The following MTREX variants were observed in gnomAD, a reference collection of about 807,000 sequenced individuals.
The protein encoded by MTREX is exosome RNA helicase MTR4.
A neutral mutation model predicts 135.4 loss-of-function variants in MTREX; 76 were observed. The observed-to-expected ratio is 0.56, with a 90% CI of 0.47 to 0.68. The LOEUF (loss-of-function observed/expected upper bound fraction) is 0.68. Among genes scored for constraint, MTREX ranks in the 30% least tolerant of loss-of-function variants. The pLI, the probability that MTREX is intolerant of heterozygous loss-of-function variation, is 0.00. For synonymous variants in MTREX, 404 were observed against 401.6 expected, an observed-to-expected ratio of 1.01 and a Z score of -0.07; for missense variants, 920 against 1,262.1, an observed-to-expected ratio of 0.73 and a Z score of 4.11.
intron 10 of MTREX, among the ~76,000 whole-genome samples, chr5:55,346,505 A>T (rs1028459507): frequency 1.3e-5 from 2 of 152,218 alleles, no homozygotes; most frequent in Non-Finnish European, 2.9e-5. Flanking sequence ...GATACTTAGT[A>T]TTGTATGTCT....
At chr5:55,344,475 A>G in intron 8 of MTREX, 47 bp from the exon 9 acceptor site, 1 of 1,262,008 alleles carries the variant, frequency 7.9e-7, no homozygotes, top group Non-Finnish European at 1.2e-6. Context: ...ATACAGTTTT[A>G]TTTTGAGGAA....
intron 11 of MTREX, among the ~76,000 whole-genome samples, chr5:55,348,630 G>A (rs745311968): frequency 6.6e-6 from 1 of 152,048 alleles, no homozygotes; most frequent in Non-Finnish European, 1.5e-5. Context: ...ACTTTTCCAT[G>A]AGTAAAAGTA....
intron 1 of MTREX, among the ~76,000 whole-genome samples, chr5:55,320,195 T>C (rs977778861): frequency 1.3e-5 from 2 of 152,004 alleles, no homozygotes; most frequent in Non-Finnish European, 2.9e-5. Context: ...TGGATCAGTA[T>C]TGTTTTACCC....
At chr5:55,369,726 G>A (rs531621449) in intron 16 of MTREX, among the ~76,000 whole-genome samples, 4 of 152,112 alleles carry the variant, frequency 2.6e-5, no homozygotes, top group Middle Eastern at 3.4e-3. Flanking sequence ...TTTTCAGGCC[G>A]AGAAAGTCAT....
intron 22 of MTREX, among the ~76,000 whole-genome samples, chr5:55,409,922 G>A (rs550019550): frequency 1.3e-5 from 2 of 152,284 alleles, no homozygotes; most frequent in South Asian, 2.1e-4. Context: ...GAATTAAAAT[G>A]TGAGTCTTCT....
intron 22 of MTREX, 58 bp downstream of exon 22, chr5:55,405,646 TTTTG>T (rs769828205): frequency 1.7e-5 from 25 of 1,463,032 alleles, no homozygotes; most frequent in African/African-American, 2.9e-5. Context: ...TAATTTTAAT[TTTTG>T]TTTATTTTTT....
chr5:55,390,629 A>G (rs1291634055), intron 19 of MTREX, among the ~76,000 whole-genome samples: 1 of 152,106 alleles, frequency 6.6e-6, no homozygotes, highest in Admixed American at 6.5e-5. Flanking sequence ...ATTTCCCCTT[A>G]TCATGGCCAC....
At chr5:55,377,471 T>C (rs1750324605) in intron 16 of MTREX, among the ~76,000 whole-genome samples, 2 of 152,192 alleles carry the variant, frequency 1.3e-5, no homozygotes, top group Admixed American at 1.3e-4. Context: ...TATGAAACTA[T>C]ATATTTGCCA....
At chr5:55,351,378 C>T (rs1341328659) in intron 13 of MTREX, among the ~76,000 whole-genome samples, 1 of 151,948 alleles carries the variant, frequency 6.6e-6, no homozygotes, top group African/African-American at 2.4e-5. Flanking sequence ...GCTAAAAATA[C>T]AAAATTAGCC....
chr5:55,387,187 TTG>T (rs1475920700), intron 18 of MTREX, among the ~76,000 whole-genome samples: 1 of 152,080 alleles, frequency 6.6e-6, no homozygotes, highest in Admixed American at 6.6e-5. Flanking sequence ...TTTAAAACAA[TTG>T]TGATTTCTTT....
intron 21 of MTREX, among the ~76,000 whole-genome samples, chr5:55,404,514 A>T (rs1440158813): frequency 2.0e-5 from 3 of 152,226 alleles, no homozygotes; most frequent in Non-Finnish European, 4.4e-5. Flanking sequence ...AAATATAGAT[A>T]GTCAAGAGAA....
At chr5:55,319,830 T>C (rs1474274578) in intron 1 of MTREX, among the ~76,000 whole-genome samples, 1 of 152,214 alleles carries the variant, frequency 6.6e-6, no homozygotes, top group East Asian at 1.9e-4. Flanking sequence ...TGTTCTACCA[T>C]GAATTTCAGT....
chr5:55,393,773 G>C (rs1366892515), intron 19 of MTREX, among the ~76,000 whole-genome samples: 1 of 152,154 alleles, frequency 6.6e-6, no homozygotes, highest in Non-Finnish European at 1.5e-5. Context: ...ATTAGGTTTA[G>C]AAAATTGAAT....
chr5:55,404,695 C>CT (rs1750773955), intron 21 of MTREX, among the ~76,000 whole-genome samples: 3 of 152,134 alleles, frequency 2.0e-5, no homozygotes, highest in Admixed American at 2.0e-4. Context: ...TTTTTCTACT[C>CT]TTACAGCCTA....
rs1750352561 is a variant in MTREX at position 55,379,116 on chromosome 5, T to G, written c.1984-11T>G. 1 of 1,600,984 alleles carries G rather than the reference T, an allele frequency of 6.2e-7. No homozygotes were observed. The highest frequency in any genetic ancestry group is 1.3e-5 in the African/African-American group (1 of 74,680). ...TTTGATTCTTGCTTACTTGCTTTTC[T>G]TTCTTTTTAGGTAAAGAATGAAGGA... On this transcript the variant is annotated splice_polypyrimidine_tract_variant and intron_variant, in intron 17 of 26. Coordinates refer to ENST00000230640, the MANE Select transcript of MTREX (RefSeq NM_015360.5).
intron 16 of MTREX, among the ~76,000 whole-genome samples, chr5:55,371,806 A>C (rs1195833838): frequency 6.6e-6 from 1 of 152,064 alleles, no homozygotes; most frequent in Non-Finnish European, 1.5e-5. Context: ...TTTAATATGG[A>C]GAAAAAAGAC....
chr5:55,397,498 A>G lies in MTREX; in HGVS notation c.2264A>G (p.Asn755Ser), dbSNP rs780487187. Residue 755 changes from asparagine to serine, a missense_variant, in exon 20 of 27, where the codon AAT becomes AGT. Around this residue, in one of 6 missense-constraint regions of MTREX, gnomAD observed 467 missense variants for 589.7 expected, o/e 0.79. Transcript: ENST00000230640. ...YIPKDLRPVD[N>S]RQSVLKSIQE... ...CCTAAAGACCTTCGGCCGGTGGACAATAGACAGAGTGTTTTAAAATCAATA... is the reference window on the plus strand; with the variant it reads ...CCTAAAGACCTTCGGCCGGTGGACAGTAGACAGAGTGTTTTAAAATCAATA... The G allele has an allele frequency of 2.5e-6, 4 of 1,608,444 alleles. No homozygotes were observed. In the Admixed American group the frequency reaches 5.0e-5, roughly 20 times the overall value.
chr5:55,415,380 A>T (rs1037346099), intron 24 of MTREX, among the ~76,000 whole-genome samples: 1 of 152,124 alleles, frequency 6.6e-6, no homozygotes, highest in Admixed American at 6.5e-5. Flanking sequence ...TAAAATAATA[A>T]TTCAAAAAAT....
At chr5:55,343,227 C>G (rs1014361082) in intron 7 of MTREX, 104 bp from the exon 8 acceptor site, 7 of 1,014,130 alleles carry the variant, frequency 6.9e-6, no homozygotes, top group Non-Finnish European at 1.0e-5. Context: ...TGAGTAAAGT[C>G]TGCATTTCTA....
Sources: gnomAD v4.1 joint callset for allele counts (sites outside exome capture counted in the v4.1 genomes callset) on GRCh38, gnomAD v4.1.1 for gene constraint, gnomAD v4.1.1 regional missense constraint, MANE v1.5 for transcripts, NCBI Gene and HGNC (gene_info 2026-07-23, HGNC 2026-07-21) for gene names.